The following TBC1D9B variants were observed in gnomAD, a reference collection of about 807,000 sequenced individuals.
The protein encoded by TBC1D9B is TBC1 domain family, member 9B (with GRAM domain).
Under a neutral mutation model 121.1 loss-of-function variants are expected in TBC1D9B, and 87 were observed. The observed-to-expected ratio is 0.72, with a 90% CI of 0.60 to 0.86. The LOEUF (loss-of-function observed/expected upper bound fraction) is 0.86, where lower values mean the gene tolerates loss of function less well. TBC1D9B is among the 40% of genes least tolerant of loss of function. TBC1D9B has a pLI of 0.00. For synonymous variants in TBC1D9B, 668 were observed against 670.1 expected (o/e 1.00, Z 0.05); for missense variants, 1,540 against 1,628.6 (o/e 0.95, Z 0.94).
rs1169248860 is a variant in TBC1D9B, at chr5:179,875,220, C to A, written c.1901-33G>T. The stretch of plus-strand genomic sequence containing the variant: ...CAGGATGAGCGAGGCTGATGGTGAG[C>A]CCACCCTGTGGCCTGGGTGGGCCCT... On this transcript the variant is annotated intron_variant, in intron 11 of 20. Transcript: ENST00000355235. The surrounding 1 kb of genome is among the most constrained non-coding windows in gnomAD (Gnocchi z 4.5). The A allele has an allele frequency of 6.2e-7, 1 of 1,602,256 alleles. No individual in the cohort carries two copies.
At chr5:179,870,120 C>T (rs2113606281) in intron 16 of TBC1D9B, 135 bp downstream of exon 16, 1 of 1,438,950 alleles carries the variant, frequency 6.9e-7, no homozygotes, top group East Asian at 2.3e-5. Context: ...ACTGTTCTTC[C>T]CGTATCTAGG....
chr5:179,881,113 C>T (rs559388590), intron 7 of TBC1D9B, among the ~76,000 whole-genome samples: 8 of 152,278 alleles, frequency 5.3e-5, no homozygotes, highest in South Asian at 2.1e-4. Flanking sequence ...GTGCTCCTGG[C>T]GAGGCGGCAA....
At chr5:179,877,499 C>G (rs145115652) in intron 10 of TBC1D9B, among the ~76,000 whole-genome samples, 1,550 of 151,704 alleles carry the variant, frequency 0.01, 26 homozygotes, top group African/African-American at 0.035. Context: ...CCCGTCTCTA[C>G]TAAAAATACA....
intron 6 of TBC1D9B, among the ~76,000 whole-genome samples, chr5:179,889,718 A>T (rs1233701491): frequency 1.3e-5 from 2 of 151,704 alleles, no homozygotes; most frequent in South Asian, 2.1e-4. Context: ...TTAAAAATTT[A>T]AAAAAAACAG....
chr5:179,862,572 T>C lies in TBC1D9B; in HGVS notation c.*876A>G, dbSNP rs932625397. On this transcript the variant is annotated 3_prime_UTR_variant, in exon 21 of 21. Transcript: ENST00000355235. ...ACCTGCCCAGCTTGCACCAGCAGGT[T>C]CTGCGTCTCCATCTGACCTGGCAGA... is the stretch of plus-strand genomic sequence containing the variant. The C allele has an allele frequency of 4.4e-6, 2 of 456,446 alleles. No homozygotes were observed. The highest frequency in any genetic ancestry group is 8.8e-6 in the Non-Finnish European group (2 of 226,948). The allele number at this position is 456,446 out of a possible 1,614,324, so 28.3% of individuals were successfully genotyped here.
chr5:179,886,026 ACCCTGC>A (rs1760674573), intron 7 of TBC1D9B, among the ~76,000 whole-genome samples: 1 of 151,874 alleles, frequency 6.6e-6, no homozygotes, highest in Admixed American at 6.6e-5. Context: ...TGCCTCCAAC[ACCCTGC>A]CCCAGACAGG....
rs1018962933 is a variant in TBC1D9B, at chr5:179,874,744, C to T, written c.2186+158G>A. ...TCACTGAGCGCTGCTTCATCTCCCACTAGAAAGGAGCCGCCTCCTGACCCC... is the reference window on the plus strand; with the variant it reads ...TCACTGAGCGCTGCTTCATCTCCCATTAGAAAGGAGCCGCCTCCTGACCCC... On this transcript the variant is annotated intron_variant, in intron 12 of 20. Coordinates refer to ENST00000355235, the MANE Select transcript of TBC1D9B (RefSeq NM_015043.4). This position sits in a 1 kb window ranked among gnomAD's most constrained non-coding sequence, Gnocchi z 4.3. 2.6e-5 allele frequency among the ~76,000 whole-genome samples: 4 copies of T among 152,248 alleles called. No homozygotes were observed. The highest frequency in any genetic ancestry group is 9.6e-5 in the African/African-American group (4 of 41,464).
intron 2 of TBC1D9B, among the ~76,000 whole-genome samples, chr5:179,903,718 T>C (rs1169787591): frequency 2.0e-5 from 3 of 152,158 alleles, no homozygotes; most frequent in Non-Finnish European, 4.4e-5. Flanking sequence ...CATGCACAGA[T>C]CTCCTTCACA....
rs147573519 is a variant in TBC1D9B at position 179,877,632 on chromosome 5, C to T, written c.1782+677G>A. 2.0e-4 allele frequency among the ~76,000 whole-genome samples: 29 copies of T among 146,704 alleles called. No individual in the cohort carries two copies. In the East Asian group the frequency reaches 5.8e-3, roughly 29 times the overall value. The stretch of plus-strand genomic sequence containing the variant: ...TGAGCTGAGACTGCACCACTGCACT[C>T]CAGCCTGGGAAACAAGAGTGAGATT... On this transcript the variant is annotated intron_variant, in intron 10 of 20. Transcript: ENST00000355235.
intron 7 of TBC1D9B, among the ~76,000 whole-genome samples, chr5:179,882,403 C>T (rs1480962738): frequency 1.3e-5 from 2 of 152,202 alleles, no homozygotes; most frequent in East Asian, 1.9e-4. Context: ...AAGCTGCTTC[C>T]ATCACTCCTT....
Position 179,870,283 on chromosome 5 carries a change from G to T in TBC1D9B, c.2697C>A (p.Ile899=), listed in dbSNP as rs1011032905. 8 of 1,613,784 alleles carry T rather than the reference G, an allele frequency of 5.0e-6. No individual in the cohort carries two copies. The highest frequency in any genetic ancestry group is 6.8e-6 in the Non-Finnish European group (8 of 1,180,038). ...RLLDENKDSL[I]NFKEFVTGMS... ...TCCCTGTCACGAACTCCTTGAAGTTGATCAGCGAGTCCTTGTTTTCGTCCA... is the reference window on the plus strand; with the variant it reads ...TCCCTGTCACGAACTCCTTGAAGTTTATCAGCGAGTCCTTGTTTTCGTCCA... Residue 899 remains isoleucine (I), a synonymous_variant, in exon 16 of 21, where the codon ATC becomes ATA. Coordinates refer to ENST00000355235, the MANE Select transcript of TBC1D9B (RefSeq NM_015043.4).
intron 2 of TBC1D9B, among the ~76,000 whole-genome samples, chr5:179,900,820 C>T (rs1345532480): frequency 3.3e-5 from 5 of 152,180 alleles, no homozygotes; most frequent in Non-Finnish European, 7.3e-5. Context: ...AACAAGAGCA[C>T]TACGGCACTA....
chr5:179,872,857 G>GCCCAGC, intron 14 of TBC1D9B, 35 bp downstream of exon 14: 1 of 1,078,520 alleles, frequency 9.3e-7, no homozygotes, highest in Non-Finnish European at 1.3e-6. Context: ...TGCCCCCCCA[G>GCCCAGC]CCCAGCCCCT....
intron 2 of TBC1D9B, among the ~76,000 whole-genome samples, chr5:179,903,621 A>T (rs1807446742): frequency 6.6e-6 from 1 of 152,180 alleles, no homozygotes; most frequent in East Asian, 1.9e-4. Flanking sequence ...CTGTTTAAAG[A>T]TGCCTTATTT....
At position 179,865,019 on chromosome 5, in the gene TBC1D9B, G is replaced by C. The variant is rs993618403; in HGVS notation, c.3021+235C>G. ...GTAGCCTACAAGCCTCTGGCTCCTGGTTCACAGACACTCACTCAATCTGGA... is the reference window on the plus strand; with the variant it reads ...GTAGCCTACAAGCCTCTGGCTCCTGCTTCACAGACACTCACTCAATCTGGA... On this transcript the variant is annotated intron_variant, in intron 20 of 20. Transcript: ENST00000355235. This position sits in a 1 kb window ranked among gnomAD's most constrained non-coding sequence, Gnocchi z 5.1. Among the ~76,000 whole-genome samples the C allele has an allele frequency of 6.6e-6, 1 of 152,182 alleles. No homozygotes were observed. The highest frequency in any genetic ancestry group is 1.5e-5 in the Non-Finnish European group (1 of 68,022).
At chr5:179,899,109 G>T in intron 3 of TBC1D9B, 80 bp downstream of exon 3, 1 of 1,206,316 alleles carries the variant, frequency 8.3e-7, no homozygotes, top group Non-Finnish European at 1.2e-6. Context: ...ACCCTACATC[G>T]TGAAGATGAA....
intron 10 of TBC1D9B, among the ~76,000 whole-genome samples, chr5:179,877,821 C>T (rs1760403767): frequency 6.6e-6 from 1 of 152,154 alleles, no homozygotes; most frequent in Admixed American, 6.5e-5. Flanking sequence ...AAGGCAAATA[C>T]TGTGTTATTT....
At position 179,873,208 on chromosome 5, in the gene TBC1D9B, G is replaced by A. The variant is rs1183211611; in HGVS notation, c.2227C>T (p.Pro743Ser). 3.1e-6 allele frequency: 5 copies of A among 1,613,050 alleles called. No individual in the cohort carries two copies. The African/African-American group carries it at 6.7e-5, about 22-fold the overall frequency. Residue 743 changes from proline (P) to serine (S), a missense_variant, in exon 13 of 21, where the codon CCT (proline) becomes TCT (serine). By Grantham distance (74) the Pro-to-Ser change is moderately conservative. Coordinates refer to ENST00000355235, the MANE Select transcript of TBC1D9B (RefSeq NM_015043.4). The stretch of plus-strand genomic sequence containing the variant: ...AGCAAGGCACGGAGGTGCGGGATAG[G>A]AGGAGAGACACTCTGCTTGTTGACC... ...NVVNKQSVSP[P>S]IPHLRALLSS...
Position 179,891,050 on chromosome 5 carries a change from G to A in TBC1D9B, c.1044+329C>T, listed in dbSNP as rs767975803. Among the ~76,000 whole-genome samples the A allele has an allele frequency of 4.6e-5, 7 of 152,242 alleles. No homozygotes were observed. The highest frequency in any genetic ancestry group is 1.0e-4 in the Non-Finnish European group (7 of 68,040). ...GTCCTCTAAGCGCAGCCACGGAGCA[G>A]CACTTTGCCCTGCAGGGCCCAGAAG... On this transcript the variant is annotated intron_variant, in intron 6 of 20. Transcript: ENST00000355235. This position sits in a 1 kb window ranked among gnomAD's most constrained non-coding sequence, Gnocchi z 4.3.
Sources: gnomAD v4.1 joint callset for allele counts (sites outside exome capture counted in the v4.1 genomes callset) on GRCh38, gnomAD v4.1.1 for gene constraint, Gnocchi (gnomAD v3.1) non-coding constraint, MANE v1.5 for transcripts, NCBI Gene and HGNC (gene_info 2026-07-23, HGNC 2026-07-21) for gene names.